The following TMTC1 variants were observed in gnomAD, a reference collection of about 807,000 sequenced individuals.
TMTC1 encodes transmembrane O-mannosyltransferase targeting cadherins 1, also known as protein O-mannosyl-transferase TMTC1.
In TMTC1, 73 loss-of-function variants were observed where a neutral mutation model predicts 104.8. That is an observed-to-expected ratio of 0.70 (90% CI 0.58 to 0.85). TMTC1 has a LOEUF of 0.85. Among genes scored for constraint, TMTC1 ranks in the 40% least tolerant of loss-of-function variants. The pLI is 0.00. For synonymous variants in TMTC1, 434 were observed against 428.7 expected (o/e 1.01, Z -0.15); for missense variants, 1,035 against 1,096.1 (o/e 0.94, Z 0.79).
At chr12:29,677,855 C>T (rs1413981755) in intron 5 of TMTC1, among the ~76,000 whole-genome samples, 1 of 152,238 alleles carries the variant, frequency 6.6e-6, no homozygotes. Context: ...AGCGATGCTG[C>T]CATATGGCTA....
intron 6 of TMTC1, among the ~76,000 whole-genome samples, chr12:29,611,268 A>C (rs763771763): frequency 2.7e-5 from 4 of 150,710 alleles, no homozygotes; most frequent in Non-Finnish European, 5.9e-5. Flanking sequence ...TCCTGAGATT[A>C]AAACGTCTTC....
rs1221215229 is a variant in TMTC1 at position 29,536,250 on chromosome 12, C to T, written c.1744G>A (p.Ala582Thr). Residue 582 changes from alanine to threonine, a missense_variant, in exon 11 of 18, where the codon GCA becomes ACA. Coordinates refer to ENST00000539277, the MANE Select transcript of TMTC1 (RefSeq NM_001193451.2). ...GAAGCTAAGCTTGAATATGCATCTG[C>T]AAACTCTGGACCATATTTGATGGAA... ...KDSIKYGPEF[A>T]DAYSSLASLL... 1 of 1,613,298 alleles carries T rather than the reference C, an allele frequency of 6.2e-7. No homozygotes were observed. The highest frequency in any genetic ancestry group is 1.3e-5 in the African/African-American group (1 of 75,002).
At chr12:29,630,715 A>C (rs1938253490) in intron 6 of TMTC1, among the ~76,000 whole-genome samples, 1 of 152,198 alleles carries the variant, frequency 6.6e-6, no homozygotes, top group African/African-American at 2.4e-5. Flanking sequence ...TGCTATTATA[A>C]ATAAAGCTGT....
intron 10 of TMTC1, among the ~76,000 whole-genome samples, chr12:29,554,734 G>C (rs183741265): frequency 6.6e-6 from 1 of 151,896 alleles, no homozygotes; most frequent in African/African-American, 2.4e-5. Flanking sequence ...AGCCAGCCAT[G>C]GGGGGGCATG....
At chr12:29,666,490 C>T (rs1013218986) in intron 5 of TMTC1, among the ~76,000 whole-genome samples, 5 of 151,996 alleles carry the variant, frequency 3.3e-5, no homozygotes, top group Non-Finnish European at 7.4e-5. Context: ...GCCTCTGCCT[C>T]CCAAAGTGCT....
At chr12:29,687,015 T>C (rs913553920) in intron 5 of TMTC1, among the ~76,000 whole-genome samples, 1 of 152,202 alleles carries the variant, frequency 6.6e-6, no homozygotes, top group Non-Finnish European at 1.5e-5. Flanking sequence ...AAAACTCTTC[T>C]TCATAGTAGA....
intron 16 of TMTC1, among the ~76,000 whole-genome samples, chr12:29,512,651 G>C (rs773742585): frequency 6.6e-5 from 10 of 152,136 alleles, no homozygotes; most frequent in African/African-American, 2.4e-4. Context: ...TTATTCATTA[G>C]ACAGTCTTTT....
intron 1 of TMTC1, among the ~76,000 whole-genome samples, chr12:29,777,335 C>T (rs117185830): frequency 1.2e-3 from 182 of 152,084 alleles, no homozygotes; most frequent in Middle Eastern, 3.4e-3. Context: ...CTTAGTGATC[C>T]GCCCGCCTCA....
chr12:29,581,632 C>A (rs1945983829), intron 8 of TMTC1, among the ~76,000 whole-genome samples: 1 of 151,984 alleles, frequency 6.6e-6, no homozygotes, highest in Non-Finnish European at 1.5e-5. Flanking sequence ...AATCCATTCC[C>A]AAAGTTGCTC....
Position 29,544,462 on chromosome 12 carries a change from G to A in TMTC1, c.1677-8145C>T, listed in dbSNP as rs145031637. On this transcript the variant is annotated intron_variant, in intron 10 of 17. Coordinates refer to ENST00000539277, the MANE Select transcript of TMTC1 (RefSeq NM_001193451.2). The stretch of plus-strand genomic sequence containing the variant: ...CACACACACACCTCACACTGGGGAT[G>A]GCACAGAGTAGGTCCTGAGGAAATG... 4.1e-4 allele frequency among the ~76,000 whole-genome samples: 62 copies of A among 152,062 alleles called. 1 individual carries two copies. In the East Asian group the frequency reaches 0.01, roughly 25 times the overall value.
intron 9 of TMTC1, among the ~76,000 whole-genome samples, chr12:29,571,575 C>T (rs1945678559): frequency 8.0e-6 from 1 of 125,158 alleles, no homozygotes; most frequent in Non-Finnish European, 1.7e-5. Flanking sequence ...TGTTAATACA[C>T]ACACACATAC....
intron 5 of TMTC1, among the ~76,000 whole-genome samples, chr12:29,715,967 T>C (rs950969509): frequency 2.7e-5 from 4 of 150,152 alleles, no homozygotes; most frequent in African/African-American, 9.8e-5. Flanking sequence ...GAGATTTGGA[T>C]TGGGACACAG....
At chr12:29,699,476 A>C (rs1393900605) in intron 5 of TMTC1, among the ~76,000 whole-genome samples, 3 of 152,194 alleles carry the variant, frequency 2.0e-5, no homozygotes, top group African/African-American at 4.8e-5. Flanking sequence ...TTCTATGACT[A>C]CTTTGAATAC....
At chr12:29,534,164 A>G (rs1349493755) in intron 11 of TMTC1, 1 of 152,244 alleles carries the variant, frequency 6.6e-6, no homozygotes, top group African/African-American at 2.4e-5. Flanking sequence ...AAAAATGTTA[A>G]GCTAGGTGGG....
intron 1 of TMTC1, among the ~76,000 whole-genome samples, chr12:29,778,833 G>A (rs1224381637): frequency 6.6e-6 from 1 of 152,218 alleles, no homozygotes; most frequent in South Asian, 2.1e-4. Context: ...TATTGCTGGG[G>A]CTGGTTAAAT....
intron 5 of TMTC1, among the ~76,000 whole-genome samples, chr12:29,654,237 C>T (rs187098340): frequency 1.3e-5 from 2 of 152,172 alleles, no homozygotes; most frequent in East Asian, 1.9e-4. Flanking sequence ...AAAAATGTTA[C>T]AACTTGGAAA....
intron 5 of TMTC1, among the ~76,000 whole-genome samples, chr12:29,681,697 G>T (rs1203185379): frequency 7.0e-6 from 1 of 143,758 alleles, no homozygotes; most frequent in Non-Finnish European, 1.5e-5. Flanking sequence ...AAAGGCAAAA[G>T]CAAAAGAGGA....
intron 5 of TMTC1, among the ~76,000 whole-genome samples, chr12:29,675,301 T>C (rs1473522751): frequency 6.6e-6 from 1 of 152,196 alleles, no homozygotes; most frequent in Admixed American, 6.5e-5. Flanking sequence ...CAACTGAACG[T>C]CCACTGAAAG....
chr12:29,503,406 TG>T lies in TMTC1; in HGVS notation c.*3439del. The T allele has an allele frequency of 6.6e-6, 1 of 152,348 alleles. No homozygotes were observed. The highest frequency in any genetic ancestry group is 1.9e-4 in the East Asian group (1 of 5,186). 9.4% of individuals were successfully genotyped at this position (152,348 alleles called of 1,614,324 possible). ...AGCATCTGAATCATTTAAAAAATCC[TG>T]AATGAATAATTCATAAGATTAAAAT... On this transcript the variant is annotated 3_prime_UTR_variant, in exon 18 of 18. Transcript: ENST00000539277.
Sources: gnomAD v4.1 joint callset for allele counts (sites outside exome capture counted in the v4.1 genomes callset) on GRCh38, gnomAD v4.1.1 for gene constraint, MANE v1.5 for transcripts, NCBI Gene and HGNC (gene_info 2026-07-23, HGNC 2026-07-21) for gene names.